Variants in FASTKD1 observed in about 807,000 individuals in gnomAD.
FASTKD1 encodes the protein FAST kinase domains 1.
In FASTKD1, 94 loss-of-function variants were observed where a neutral mutation model predicts 90.9. That is an observed-to-expected ratio of 1.03 (90% CI 0.88 to 1.23). The LOEUF is 1.23. Ranked by LOEUF, FASTKD1 falls within the 50% of genes most tolerant of loss-of-function variation. The pLI, the probability that FASTKD1 is intolerant of heterozygous loss-of-function variation, is 0.00. For synonymous variants in FASTKD1, 319 were observed against 345.8 expected, an observed-to-expected ratio of 0.92 and a Z score of 0.86; for missense variants, 945 against 993.5, an observed-to-expected ratio of 0.95 and a Z score of 0.66.
chr2:169,552,966 G>A (rs150736356), intron 7 of FASTKD1, among the ~76,000 whole-genome samples: 4,530 of 151,984 alleles, frequency 0.03, 222 homozygotes, highest in African/African-American at 0.1. Flanking sequence ...CAGCACTTTC[G>A]GAGGCCAAAG....
intron 4 of FASTKD1, among the ~76,000 whole-genome samples, chr2:169,561,115 T>C (rs1345067233): frequency 6.6e-6 from 1 of 151,188 alleles, no homozygotes; most frequent in Non-Finnish European, 1.5e-5. Context: ...CCTGGCAACA[T>C]GGTGAAACCC....
chr2:169,561,561 C>T (rs1008965483), intron 4 of FASTKD1, among the ~76,000 whole-genome samples: 13 of 151,364 alleles, frequency 8.6e-5, no homozygotes, highest in Non-Finnish European at 2.9e-5. Context: ...TGACATTCAG[C>T]AAATGTAACT....
chr2:169,557,890 C>T (rs1683401186), intron 5 of FASTKD1, among the ~76,000 whole-genome samples: 1 of 152,210 alleles, frequency 6.6e-6, no homozygotes. Context: ...AGAAAGCAAG[C>T]TCGAAACGTG....
rs761248058 is a variant in FASTKD1 at position 169,537,235 on chromosome 2, TG to T, written c.2179del (p.His727ThrfsTer3). 22 of 1,592,912 alleles carry T rather than the reference TG, an allele frequency of 1.4e-5. No homozygotes were observed. The highest frequency in any genetic ancestry group is 1.8e-5 in the Non-Finnish European group (21 of 1,161,404). ...CCTACCCAATAACTTACCTACTTTGTGGTAATAAGGCGTAAGAACCGAGGCT... is the reference window on the plus strand; with the variant it reads ...CCTACCCAATAACTTACCTACTTTGTGTAATAAGGCGTAAGAACCGAGGCT... ...VKASVLTPYY[H>X]KVDFECILDK... On this transcript the variant is annotated frameshift_variant, in exon 12 of 15. Transcript: ENST00000453153. LOFTEE classifies it high-confidence loss of function.
chr2:169,552,816 C>T (rs2460867), intron 7 of FASTKD1, among the ~76,000 whole-genome samples: 98,295 of 151,902 alleles, frequency 0.65, 32,027 homozygotes, highest in Admixed American at 0.74. Flanking sequence ...ACTCAGGTGA[C>T]AGGTGCACTT....
rs1684028917 is a variant in FASTKD1 at position 169,567,143 on chromosome 2, A to G, written c.446+2041T>C. Among the ~76,000 whole-genome samples, 4 of 152,140 alleles carry G rather than the reference A, an allele frequency of 2.6e-5. No homozygotes were observed. The South Asian group carries it at 8.3e-4, about 31-fold the overall frequency. On this transcript the variant is annotated intron_variant, in intron 3 of 14. Coordinates refer to ENST00000453153, the MANE Select transcript of FASTKD1 (RefSeq NM_024622.6). ...AAAAAAAAAACATAAGTTTATAGAT[A>G]TTTTAGCAAGATCATTGTACTTCTG...
chr2:169,538,000 A>G lies in FASTKD1; in HGVS notation c.2074+13T>C. ...AATCAAACTTTGCTATCTGACTAAAAGAAAACTCAAACCTTTATTATATTG... is the reference window on the plus strand; with the variant it reads ...AATCAAACTTTGCTATCTGACTAAAGGAAAACTCAAACCTTTATTATATTG... On this transcript the variant is annotated intron_variant, in intron 11 of 14. Transcript: ENST00000453153. 1 of 1,584,124 alleles carries G rather than the reference A, an allele frequency of 6.3e-7. No homozygotes were observed. Among genetic ancestry groups the G allele is most frequent in the South Asian group, 1.2e-5 (1 of 85,312 alleles).
chr2:169,544,678 C>T lies in FASTKD1; in HGVS notation c.1816+43G>A, dbSNP rs145877940. ...TCCTAGCTCAGCAGCAACAAGTATC[C>T]TCTGACTTATTCACTCAATGTATTA... On this transcript the variant is annotated intron_variant, in intron 9 of 14. Coordinates refer to ENST00000453153, the MANE Select transcript of FASTKD1 (RefSeq NM_024622.6). 2.6e-4 allele frequency: 280 copies of T among 1,070,534 alleles called. No individual in the cohort carries two copies. The African/African-American group carries it at 3.5e-3, about 13-fold the overall frequency. 66.3% of individuals were successfully genotyped at this position (1,070,534 alleles called of 1,614,324 possible). A position where few individuals can be genotyped will look rare whatever the true frequency, so the allele number is the denominator to read the frequency against.
chr2:169,546,417 C>A lies in FASTKD1; in HGVS notation c.1502G>T (p.Arg501Leu). ...LQHSNSLDLL[R>L]KELKSLKGNT... ...TCCTTTGAGAGATTTAAGTTCCTTC[C>A]GTAACAGATCCAAACTGTTGCTGTG... The change falls in exon 8 of 15, where the codon CGG becomes CTG. Residue 501 changes from arginine (R) to leucine (L), a missense_variant. Transcript: ENST00000453153. 1 of 1,614,090 alleles carries A rather than the reference C, an allele frequency of 6.2e-7. No homozygotes were observed. Among genetic ancestry groups the A allele is most frequent in the Non-Finnish European group, 8.5e-7 (1 of 1,180,002 alleles).
At chr2:169,557,166 C>T (rs1379337781) in intron 6 of FASTKD1, 21 bp downstream of exon 6, 49 of 1,464,354 alleles carry the variant, frequency 3.3e-5, no homozygotes, top group Non-Finnish European at 4.4e-5. Context: ...AACTTAACGT[C>T]GTAAATTTCA....
intron 7 of FASTKD1, among the ~76,000 whole-genome samples, chr2:169,547,884 C>CAAAAAAAAAAAAAAAAAAAAA (rs1158292826): frequency 4.7e-5 from 1 of 21,330 alleles, no homozygotes; most frequent in African/African-American, 1.2e-4. Context: ...GACTCCATCT[C>CAAAAAAAAAAAAAAAAAAAAA]AAAAAAAAAA....
chr2:169,559,369 C>T (rs984741135), intron 5 of FASTKD1, among the ~76,000 whole-genome samples: 1 of 152,156 alleles, frequency 6.6e-6, no homozygotes. Context: ...GGAACCCCTG[C>T]TTAAGTGAAT....
intron 13 of FASTKD1, 27 bp from the exon 14 acceptor site, chr2:169,530,728 C>T (rs768818782): frequency 5.8e-6 from 7 of 1,198,246 alleles, no homozygotes; most frequent in South Asian, 4.0e-5. Context: ...AATATTTACT[C>T]CTAAAATCAG....
At chr2:169,572,495 T>C (rs1330665644) in intron 1 of FASTKD1, among the ~76,000 whole-genome samples, 1 of 151,670 alleles carries the variant, frequency 6.6e-6, no homozygotes, top group Non-Finnish European at 1.5e-5. Flanking sequence ...TCAAAGTTTC[T>C]AAAAAGTGTA....
chr2:169,564,062 A>T (rs956048965), intron 3 of FASTKD1, among the ~76,000 whole-genome samples: 17 of 152,182 alleles, frequency 1.1e-4, no homozygotes, highest in African/African-American at 3.9e-4. Flanking sequence ...TTGTTTCCTT[A>T]TCTTGGTGCT....
Position 169,534,463 on chromosome 2 carries a change from C to CT in FASTKD1, c.2188+2763dup, listed in dbSNP as rs1210482307. Among the ~76,000 whole-genome samples, 255 of 110,634 alleles carry CT rather than the reference C, an allele frequency of 2.3e-3. 2 individuals carry two copies. Among genetic ancestry groups the CT allele is most frequent in the Middle Eastern group, 9.4e-3 (2 of 212 alleles). 72.6% of individuals were successfully genotyped at this position (110,634 alleles called of 152,430 possible). A position where few individuals can be genotyped will look rare whatever the true frequency, so the allele number is the denominator to read the frequency against. On this transcript the variant is annotated intron_variant, in intron 12 of 14. Coordinates refer to ENST00000453153, the MANE Select transcript of FASTKD1 (RefSeq NM_024622.6). ...TAAATTTCTGTTGTTTTTTTTTTTT[C>CT]TTTTTTTTTTTTTTTTGATACAGAG...
At chr2:169,540,322 A>G in intron 9 of FASTKD1, 143 bp from the exon 10 acceptor site, 2 of 848,416 alleles carry the variant, frequency 2.4e-6, no homozygotes, top group East Asian at 3.0e-5. Flanking sequence ...AGACAGGATA[A>G]TGGTTAAGTG....
At chr2:169,538,215 T>C in intron 10 of FASTKD1, 74 bp from the exon 11 acceptor site, 1 of 1,269,430 alleles carries the variant, frequency 7.9e-7, no homozygotes, top group Non-Finnish European at 1.1e-6. Flanking sequence ...TTCACATTCA[T>C]TTATCCCCAC....
At chr2:169,562,009 A>T (rs1683692988) in intron 4 of FASTKD1, among the ~76,000 whole-genome samples, 1 of 112,812 alleles carries the variant, frequency 8.9e-6, no homozygotes, top group African/African-American at 3.1e-5. Flanking sequence ...TTATTCATTA[A>T]TTTATTGTAA....
Sources: gnomAD v4.1 joint callset for allele counts (sites outside exome capture counted in the v4.1 genomes callset) on GRCh38, gnomAD v4.1.1 for gene constraint, MANE v1.5 for transcripts, NCBI Gene and HGNC (gene_info 2026-07-23, HGNC 2026-07-21) for gene names.